The following AKNAD1 variants were observed in gnomAD, a reference collection of about 807,000 sequenced individuals.
AKNAD1 encodes AKNA domain containing 1.
Under a neutral mutation model 90.8 loss-of-function variants are expected in AKNAD1, and 67 were observed. The observed-to-expected ratio is 0.74, with a 90% CI of 0.61 to 0.90. AKNAD1 has a LOEUF of 0.90. Ranked by LOEUF, AKNAD1 falls within the 40% of genes least tolerant of loss-of-function variation. The probability of loss-of-function intolerance (pLI) is 0.00; values close to 1 mark genes in which losing one functional copy is unlikely to be tolerated. For missense variants in AKNAD1, 957 were observed against 975.4 expected (o/e 0.98, Z 0.25); for synonymous variants, 327 against 341.4 (o/e 0.96, Z 0.46).
intron 1 of AKNAD1, among the ~76,000 whole-genome samples, chr1:108,855,175 C>A (rs12751589): frequency 0.072 from 10,721 of 149,872 alleles, 520 homozygotes; most frequent in Non-Finnish European, 0.1. Flanking sequence ...GCACTTTGGG[C>A]GGCCGAGGCA....
chr1:108,838,356 T>A (rs1664444607), intron 6 of AKNAD1, among the ~76,000 whole-genome samples: 1 of 150,766 alleles, frequency 6.6e-6, no homozygotes, highest in Non-Finnish European at 1.5e-5. Context: ...AATTAGAAAT[T>A]TTAATACCTA....
At chr1:108,852,962 G>GA (rs1664915476) in intron 1 of AKNAD1, among the ~76,000 whole-genome samples, 195 bp from the exon 2 acceptor site, 3 of 149,220 alleles carry the variant, frequency 2.0e-5, no homozygotes, top group African/African-American at 7.5e-5. Context: ...AAGGAATGGG[G>GA]GAAAAAAAAA....
chr1:108,852,925 T>C (rs935726168), intron 1 of AKNAD1, among the ~76,000 whole-genome samples, 158 bp from the exon 2 acceptor site: 2 of 151,822 alleles, frequency 1.3e-5, no homozygotes, highest in African/African-American at 4.8e-5. Context: ...ATCCACACTA[T>C]GTTAACACAA....
At chr1:108,853,851 G>A (rs963260777) in intron 1 of AKNAD1, among the ~76,000 whole-genome samples, 4 of 152,060 alleles carry the variant, frequency 2.6e-5, no homozygotes, top group East Asian at 3.9e-4. Flanking sequence ...CAGGAGCATC[G>A]CTTGAACCTG....
At chr1:108,817,416 G>C in intron 14 of AKNAD1, 1 of 290,364 alleles carries the variant, frequency 3.4e-6, no homozygotes, top group Non-Finnish European at 6.3e-6. Flanking sequence ...TTTTCCTCTA[G>C]TACAGAAAGA....
chr1:108,857,738 T>C (rs924768434), upstream of AKNAD1, among the ~76,000 whole-genome samples: 1 of 152,194 alleles, frequency 6.6e-6, no homozygotes, highest in Non-Finnish European at 1.5e-5. Flanking sequence ...CTACTTACCT[T>C]ATCTGCCCCT....
intron 2 of AKNAD1, among the ~76,000 whole-genome samples, chr1:108,850,642 A>AAG (rs1491578416): frequency 7.0e-6 from 1 of 142,548 alleles, no homozygotes; most frequent in Non-Finnish European, 1.5e-5. Context: ...AATTAAAAAA[A>AAG]AGAGAGAGAG....
rs1280903740 is a variant in AKNAD1 at position 108,821,857 on chromosome 1, TTCTC to T, written c.2168-1235_2168-1232del. Among the ~76,000 whole-genome samples, 8 of 152,138 alleles carry T rather than the reference TTCTC, an allele frequency of 5.3e-5. No individual in the cohort carries two copies. The East Asian group carries it at 1.5e-3, about 29-fold the overall frequency. The stretch of plus-strand genomic sequence containing the variant: ...CCCTTCCCTTTCCCTCTTCTTCTTC[TTCTC>T]TCTGTCTTCCCCTCGTTCTCCCTCC... On this transcript the variant is annotated intron_variant, in intron 13 of 15. Coordinates refer to ENST00000370001, the MANE Select transcript of AKNAD1 (RefSeq NM_152763.5).
intron 6 of AKNAD1, among the ~76,000 whole-genome samples, chr1:108,839,398 G>A (rs1311835199): frequency 6.8e-6 from 1 of 146,304 alleles, no homozygotes; most frequent in Non-Finnish European, 1.5e-5. Flanking sequence ...GCGTGAAGCC[G>A]GGAGGCGGAG....
rs766278754 is a variant in AKNAD1 at position 108,816,226 on chromosome 1, GT to G, written c.2455del (p.Thr819ArgfsTer16). On this transcript the variant is annotated frameshift_variant, in exon 16 of 16. Transcript: ENST00000370001. LOFTEE classifies it high-confidence loss of function. ...LKETTDQMIK[T>X]IAEDLAKAQR... ...TGCTTTAGCAAGGTCTTCTGCAATCGTTTTAATCATTTGATCTGTAGTTTCT... is the reference window on the plus strand; with the variant it reads ...TGCTTTAGCAAGGTCTTCTGCAATCGTTTAATCATTTGATCTGTAGTTTCT... The G allele has an allele frequency of 1.2e-6, 2 of 1,613,514 alleles. No homozygotes were observed. Among genetic ancestry groups the G allele is most frequent in the Admixed American group, 3.3e-5 (2 of 59,940 alleles).
chr1:108,827,892 C>T (rs7518022), intron 10 of AKNAD1, among the ~76,000 whole-genome samples: 56,626 of 150,430 alleles, frequency 0.38, 11,664 homozygotes, highest in African/African-American at 0.47. Flanking sequence ...CTAATCATCA[C>T]ATACACATTC....
At chr1:108,851,533 T>C (rs1203669090) in intron 2 of AKNAD1, 139 bp downstream of exon 2, 3 of 710,170 alleles carry the variant, frequency 4.2e-6, no homozygotes, top group Non-Finnish European at 6.8e-6. Context: ...AGTGGCCACG[T>C]CACTCATCCA....
rs569480353 is a variant in AKNAD1, at chr1:108,834,042, C to T, written c.1746+405G>A. Among the ~76,000 whole-genome samples, 25 of 152,148 alleles carry T rather than the reference C, an allele frequency of 1.6e-4. No individual in the cohort carries two copies. In the South Asian group the frequency reaches 5.0e-3, roughly 30 times the overall value. ...GTAATCCCAGCATTTCCAATTCATT[C>T]GAAATGAAATAATCTCTAGACCCTC... On this transcript the variant is annotated intron_variant, in intron 9 of 15. Transcript: ENST00000370001.
At chr1:108,829,580 C>T (rs1445769317) in intron 10 of AKNAD1, among the ~76,000 whole-genome samples, 1 of 152,090 alleles carries the variant, frequency 6.6e-6, no homozygotes, top group African/African-American at 2.4e-5. Context: ...GTTTAATGAC[C>T]CACACACAAT....
intron 6 of AKNAD1, among the ~76,000 whole-genome samples, chr1:108,841,518 G>C (rs1557834388): frequency 6.6e-6 from 1 of 152,194 alleles, no homozygotes; most frequent in African/African-American, 2.4e-5. Flanking sequence ...TGACAAGCAA[G>C]ATGCATGAAA....
chr1:108,852,527 T>C lies in AKNAD1; in HGVS notation c.138A>G (p.Gln46=). The change falls in exon 2 of 16, where the codon CAA becomes CAG. Residue 46 remains glutamine (Q), a synonymous_variant. Transcript: ENST00000370001. ...SKKDGLEVLN[Q]IIFIADDPQE... is the part of the protein sequence containing the mutation. ...GAGGGTCATCTGCTATGAAAATAAT[T>C]TGATTTAAGACTTCAAGGCCATCCT... 2 of 1,614,196 alleles carry C rather than the reference T, an allele frequency of 1.2e-6. No homozygotes were observed. Among genetic ancestry groups the C allele is most frequent in the African/African-American group, 1.3e-5 (1 of 75,058 alleles).
At chr1:108,853,353 C>A (rs7519446) in intron 1 of AKNAD1, among the ~76,000 whole-genome samples, 22 of 151,610 alleles carry the variant, frequency 1.5e-4, no homozygotes, top group Admixed American at 3.3e-4. Context: ...GGATGGTCTT[C>A]ATCTCCTGAC....
At chr1:108,853,649 A>C (rs1664938436) in intron 1 of AKNAD1, among the ~76,000 whole-genome samples, 1 of 151,528 alleles carries the variant, frequency 6.6e-6, no homozygotes, top group African/African-American at 2.4e-5. Flanking sequence ...AATATGACCA[A>C]GGGGCCGGGC....
At chr1:108,852,902 T>TGC in intron 1 of AKNAD1, 135 bp from the exon 2 acceptor site, 1 of 353,922 alleles carries the variant, frequency 2.8e-6, no homozygotes, top group Non-Finnish European at 5.0e-6. Flanking sequence ...AACCACAAGC[T>TGC]GACCCAACCT....
Sources: gnomAD v4.1 joint callset for allele counts (sites outside exome capture counted in the v4.1 genomes callset) on GRCh38, gnomAD v4.1.1 for gene constraint, MANE v1.5 for transcripts, NCBI Gene and HGNC (gene_info 2026-07-23, HGNC 2026-07-21) for gene names.